Variants in CXXC1 observed in about 807,000 individuals in gnomAD.
CXXC1 encodes the protein CXXC-type zinc finger protein 1.
CXXC1 carries 21 observed loss-of-function variants against 83.6 expected under a neutral mutation model. The observed-to-expected ratio is 0.25, with a 90% CI of 0.18 to 0.36. The LOEUF is 0.36. Ranked by LOEUF, CXXC1 falls within the 10% of genes least tolerant of loss-of-function variation. The pLI is 1.00. For synonymous variants in CXXC1, 371 were observed against 337.5 expected (o/e 1.10, Z -1.09); for missense variants, 688 against 919.5 (o/e 0.75, Z 3.26).
chr18:50,284,670 C>T (rs755715946), intron 8 of CXXC1, 62 bp downstream of exon 8: 1 of 1,609,718 alleles, frequency 6.2e-7, no homozygotes, highest in South Asian at 1.1e-5. Context: ...CAGCCTCTGA[C>T]CTCTGCCTCT....
At chr18:50,286,709 T>C in intron 2 of CXXC1, 31 bp downstream of exon 2, 3 of 1,609,368 alleles carry the variant, frequency 1.9e-6, no homozygotes, top group Non-Finnish European at 2.6e-6. Context: ...ACCCTGCCAG[T>C]GTCAGCCCCG....
At position 50,287,684 on chromosome 18, in the gene CXXC1, C is replaced by G; in HGVS notation, c.-95G>C. 3 of 1,486,164 alleles carry G rather than the reference C, an allele frequency of 2.0e-6. No individual in the cohort carries two copies. The highest frequency in any genetic ancestry group is 1.1e-5 in the South Asian group (1 of 88,014). The allele number at this position is 1,486,164 out of a possible 1,614,324, so 92.1% of individuals were successfully genotyped here. A position where few individuals can be genotyped will look rare whatever the true frequency, so the allele number is the denominator to read the frequency against. ...GGCGTCCCAGGCGGTTGCAAAGGCGCCCACAACTACTTCCGCTTCTAGTCA... is the reference window on the plus strand; with the variant it reads ...GGCGTCCCAGGCGGTTGCAAAGGCGGCCACAACTACTTCCGCTTCTAGTCA... On this transcript the variant is annotated 5_prime_UTR_variant, in exon 1 of 15. Transcript: ENST00000285106.
In CXXC1 at chr18:50,285,953, A is replaced by G. The variant is rs779599411; in HGVS notation, c.460-25T>C. The stretch of plus-strand genomic sequence containing the variant: ...GCTGCAGGAGGGGGCCCAGAACAGA[A>G]ATCATGGACCCAGGCAGGGCTGAAA... On this transcript the variant is annotated intron_variant, in intron 4 of 14. Transcript: ENST00000285106. The surrounding 1 kb of genome is among the most constrained non-coding windows in gnomAD (Gnocchi z 4.4). 43 of 1,613,826 alleles carry G rather than the reference A, an allele frequency of 2.7e-5. No individual in the cohort carries two copies. In the South Asian group the frequency reaches 4.6e-4, roughly 17 times the overall value.
intron 9 of CXXC1, 93 bp from the exon 10 acceptor site, chr18:50,284,194 G>A (rs2040675382): frequency 6.8e-7 from 1 of 1,471,882 alleles, no homozygotes; most frequent in African/African-American, 1.4e-5. Flanking sequence ...GAAGTAAATA[G>A]GTGACTGGCG....
In CXXC1 at chr18:50,282,445, A is replaced by C; in HGVS notation, c.*148T>G. On this transcript the variant is annotated 3_prime_UTR_variant, in exon 15 of 15. Transcript: ENST00000285106. The surrounding 1 kb of genome is among the most constrained non-coding windows in gnomAD (Gnocchi z 5.8). ...AGGCACTGAACATGTCGACGGGGAC[A>C]GTCCCTCTGATAAAGGCAGATGGGC... is the stretch of plus-strand genomic sequence containing the variant. The C allele has an allele frequency of 1.0e-6, 1 of 985,850 alleles. No individual in the cohort carries two copies. The highest frequency in any genetic ancestry group is 1.5e-6 in the Non-Finnish European group (1 of 647,718). 61.1% of individuals were successfully genotyped at this position (985,850 alleles called of 1,614,324 possible). A position where few individuals can be genotyped will look rare whatever the true frequency, so the allele number is the denominator to read the frequency against.
rs1413043250 is a variant in CXXC1, at chr18:50,285,716, C to T, written c.639+33G>A. The T allele has an allele frequency of 1.2e-6, 2 of 1,605,654 alleles. No homozygotes were observed. The highest frequency in any genetic ancestry group is 1.7e-5 in the Admixed American group (1 of 59,962). On this transcript the variant is annotated intron_variant, in intron 5 of 14. Coordinates refer to ENST00000285106, the MANE Select transcript of CXXC1 (RefSeq NM_014593.4). This position sits in a 1 kb window ranked among gnomAD's most constrained non-coding sequence, Gnocchi z 4.4. ...ATGCATGGACCCACCAGCTCTCCCA[C>T]ACCTGACCCTACCCAGCTCTGTCCA...
rs377002493 is a variant in CXXC1, at chr18:50,286,066, G to A, written c.415C>T (p.Pro139Ser). ...AAGGGCTGCGGAGAGGATTTGTGGGGCGAAGCAGAGCCCCGAGCAAGCATG... is the reference window on the plus strand; with the variant it reads ...AAGGGCTGCGGAGAGGATTTGTGGGACGAAGCAGAGCCCCGAGCAAGCATG... ...GAMLARGSAS[P>S]HKSSPQPLVA... The change falls in exon 4 of 15, where the codon CCC (proline) becomes TCC (serine). Residue 139 changes from proline to serine, a missense_variant. By Grantham distance (74) the Pro-to-Ser change is moderately conservative. Coordinates refer to ENST00000285106, the MANE Select transcript of CXXC1 (RefSeq NM_014593.4). 9.9e-6 allele frequency: 16 copies of A among 1,613,878 alleles called. No homozygotes were observed. The highest frequency in any genetic ancestry group is 1.4e-5 in the Non-Finnish European group (16 of 1,179,960).
chr18:50,286,829 T>C lies in CXXC1; in HGVS notation c.33A>G (p.Pro11=). MEGDGSDPEP[P]DAGEDSKSEN... ...CGGACTTGCTGTCCTCCCCGGCATCTGGAGGCTCTGGGTCTGAACCATCTC... is the reference window on the plus strand; with the variant it reads ...CGGACTTGCTGTCCTCCCCGGCATCCGGAGGCTCTGGGTCTGAACCATCTC... The change falls in exon 2 of 15, where the codon CCA becomes CCG. Residue 11 remains proline (P), a synonymous_variant. Coordinates refer to ENST00000285106, the MANE Select transcript of CXXC1 (RefSeq NM_014593.4). 2 of 1,613,814 alleles carry C rather than the reference T, an allele frequency of 1.2e-6. No homozygotes were observed. The highest frequency in any genetic ancestry group is 1.7e-6 in the Non-Finnish European group (2 of 1,179,760).
At position 50,283,501 on chromosome 18, in the gene CXXC1, G is replaced by T. The variant is rs12458654; in HGVS notation, c.1574+14C>A. ...TTAACCCCCCACCTCTCACTGCGTG[G>T]CACCCTCACTTACCCTTCAATGCGT... On this transcript the variant is annotated intron_variant, in intron 12 of 14. Coordinates refer to ENST00000285106, the MANE Select transcript of CXXC1 (RefSeq NM_014593.4). 0.37 allele frequency: 588,848 copies of T among 1,611,510 alleles called. 111,808 individuals are homozygous for T. The highest frequency in any genetic ancestry group is 0.39 in the Non-Finnish European group (464,652 of 1,178,654).
chr18:50,284,682 C>T, intron 8 of CXXC1, 50 bp downstream of exon 8: 1 of 1,609,950 alleles, frequency 6.2e-7, no homozygotes, highest in Non-Finnish European at 8.5e-7. Context: ...TCTGCCTCTC[C>T]CTCAACCCCA....
chr18:50,283,102 G>A, intron 13 of CXXC1, 96 bp from the exon 14 acceptor site: 1 of 1,443,620 alleles, frequency 6.9e-7, no homozygotes, highest in South Asian at 1.2e-5. Flanking sequence ...GGAGGGTTCA[G>A]GGAACGGTGA....
chr18:50,287,487 G>C, intron 1 of CXXC1, 100 bp downstream of exon 1: 1 of 1,419,042 alleles, frequency 7.0e-7, no homozygotes, highest in Non-Finnish European at 9.9e-7. Context: ...CACAGACTCC[G>C]GTTATGGCTC....
chr18:50,284,168 G>C, intron 9 of CXXC1, 67 bp from the exon 10 acceptor site: 2 of 1,527,370 alleles, frequency 1.3e-6, no homozygotes, highest in South Asian at 1.1e-5. Context: ...CAAAATAGAC[G>C]CAAATGGCAA....
rs1331027203 is a variant in CXXC1 at position 50,283,046 on chromosome 18, AAGGGAGAATAGGAATGGGGGCTCAAGG to A, written c.1672-67_1672-41del. ...GGTTGGGGGGATGAATAGCGGTGAT[AAGGGAGAATAGGAATGGGGGCTCAAGG>A]AGGGAGAAGGAAAAGAATGGAGGGT... On this transcript the variant is annotated intron_variant, in intron 13 of 14. Coordinates refer to ENST00000285106, the MANE Select transcript of CXXC1 (RefSeq NM_014593.4). The A allele has an allele frequency of 4.4e-6, 7 of 1,608,364 alleles. No individual in the cohort carries two copies. The South Asian group carries it at 6.6e-5, about 15-fold the overall frequency.
In CXXC1 at chr18:50,285,450, C is replaced by CA; in HGVS notation, c.640-100dup. The CA allele has an allele frequency of 7.3e-7, 1 of 1,369,560 alleles. No homozygotes were observed. The highest frequency in any genetic ancestry group is 9.9e-7 in the Non-Finnish European group (1 of 1,012,356). 84.8% of individuals were successfully genotyped at this position (1,369,560 alleles called of 1,614,324 possible). A position where few individuals can be genotyped will look rare whatever the true frequency, so the allele number is the denominator to read the frequency against. ...TGGCCTGGCCTTACCTCCCCAGACA[C>CA]ACCTCCCCGCTACCCCTCATTGCCA... On this transcript the variant is annotated intron_variant, in intron 5 of 14. Transcript: ENST00000285106. This position sits in a 1 kb window ranked among gnomAD's most constrained non-coding sequence, Gnocchi z 4.4.
rs375632641 is a variant in CXXC1, at chr18:50,287,619, C to T, written c.-30G>A. The T allele has an allele frequency of 6.2e-7, 1 of 1,609,532 alleles. No homozygotes were observed. The highest frequency in any genetic ancestry group is 8.5e-7 in the Non-Finnish European group (1 of 1,179,756). Reference sequence around the variant, plus strand: ...CCGCTCCCGGCGCACTCCCTCACGACCCCCGCCAGCGACCCGCGAACCTGC... The same window carrying T: ...CCGCTCCCGGCGCACTCCCTCACGATCCCCGCCAGCGACCCGCGAACCTGC... On this transcript the variant is annotated 5_prime_UTR_variant, in exon 1 of 15. Transcript: ENST00000285106.
rs966332533 is a variant in CXXC1, at chr18:50,286,565, C to T, written c.197G>A (p.Arg66Gln). 6.2e-7 allele frequency: 1 copy of T among 1,614,132 alleles called. No individual in the cohort carries two copies. The highest frequency in any genetic ancestry group is 2.2e-5 in the East Asian group (1 of 44,876). ...TCTGCACTCCCGACAGTACCACTCC[C>T]GGATGGCCTTGGCCATCTTCTCAGT... ...RITEKMAKAI[R>Q]EWYCRECREK... The change falls in exon 3 of 15, where the codon CGG (arginine) becomes CAG (glutamine). Residue 66 changes from arginine to glutamine, a missense_variant. Around this residue, in one of 9 missense-constraint regions of CXXC1, gnomAD observed 142 missense variants for 150.7 expected, o/e 0.94. Transcript: ENST00000285106.
At position 50,282,471 on chromosome 18, in the gene CXXC1, G is replaced by A. The variant is rs1465476229; in HGVS notation, c.*122C>T. The A allele has an allele frequency of 4.0e-6, 5 of 1,265,552 alleles. No individual in the cohort carries two copies. Among genetic ancestry groups the A allele is most frequent in the African/African-American group, 2.9e-5 (2 of 68,388 alleles). 78.4% of individuals were successfully genotyped at this position (1,265,552 alleles called of 1,614,324 possible). A position where few individuals can be genotyped will look rare whatever the true frequency, so the allele number is the denominator to read the frequency against. ...GTCCCTCTGATAAAGGCAGATGGGC[G>A]GTCAACCGGTGGATGGGCACAGGGA... On this transcript the variant is annotated 3_prime_UTR_variant, in exon 15 of 15. Coordinates refer to ENST00000285106, the MANE Select transcript of CXXC1 (RefSeq NM_014593.4). The surrounding 1 kb of genome is among the most constrained non-coding windows in gnomAD (Gnocchi z 5.8).
chr18:50,285,544 T>A lies in CXXC1; in HGVS notation c.640-193A>T. The A allele has an allele frequency of 1.0e-6, 1 of 954,310 alleles. No homozygotes were observed. The highest frequency in any genetic ancestry group is 1.5e-6 in the Non-Finnish European group (1 of 648,066). 59.1% of individuals were successfully genotyped at this position (954,310 alleles called of 1,614,324 possible). A position where few individuals can be genotyped will look rare whatever the true frequency, so the allele number is the denominator to read the frequency against. The stretch of plus-strand genomic sequence containing the variant: ...CCTGAAAACACCTGGCCCCACTCTG[T>A]CTACCCAGGGTTGGTGGGGGTGTTC... On this transcript the variant is annotated intron_variant, in intron 5 of 14. Coordinates refer to ENST00000285106, the MANE Select transcript of CXXC1 (RefSeq NM_014593.4). This position sits in a 1 kb window ranked among gnomAD's most constrained non-coding sequence, Gnocchi z 4.4.
Sources: allele counts gnomAD v4.1 joint callset, GRCh38; gene constraint gnomAD v4.1.1; regional missense constraint gnomAD v4.1.1; non-coding constraint Gnocchi (gnomAD v3.1); transcripts MANE v1.5; gene names NCBI Gene and HGNC (gene_info 2026-07-23, HGNC 2026-07-21).